PCM1: variants seen among roughly 807,000 people sequenced by gnomAD.
The protein encoded by PCM1 is pericentriolar material 1.
A neutral mutation model predicts 241.9 loss-of-function variants in PCM1; 157 were observed. The ratio of observed to expected loss-of-function variants is 0.65; its 90% CI spans 0.57 to 0.74. PCM1 has a LOEUF of 0.74. PCM1 is among the 30% of genes least tolerant of loss of function. PCM1 has a pLI of 0.00. For missense variants in PCM1, 3,478 were observed against 2,360.1 expected (o/e 1.47, Z -9.81); for synonymous variants, 1,085 against 784.9 (o/e 1.38, Z -6.39).
chr8:17,925,200 A>C (rs1010814448), intron 2 of PCM1: 3 of 152,206 alleles, frequency 2.0e-5, no homozygotes, highest in Non-Finnish European at 4.4e-5. Context: ...ACCGAAATTT[A>C]GTTGTCTAAA....
chr8:17,982,102 A>G (rs990139380), intron 24 of PCM1, among the ~76,000 whole-genome samples: 11 of 152,188 alleles, frequency 7.2e-5, no homozygotes, highest in African/African-American at 2.7e-4. Context: ...TTGCATTTTG[A>G]AATGAATTTC....
chr8:17,931,070 A>T (rs1017506849), intron 2 of PCM1, among the ~76,000 whole-genome samples: 1 of 152,178 alleles, frequency 6.6e-6, no homozygotes, highest in African/African-American at 2.4e-5. Context: ...TGCCAACCTG[A>T]TAGATTAGAC....
rs888998882 is a variant in PCM1, at chr8:18,011,320, T to C, written c.5304T>C (p.Ser1768=). The C allele has an allele frequency of 6.2e-7, 1 of 1,605,552 alleles. No homozygotes were observed. Among genetic ancestry groups the C allele is most frequent in the African/African-American group, 1.3e-5 (1 of 74,690 alleles). ...CCAAAAATGTAAGATCTGATATTTC[T>C]GATCAAGAGGAAGATGAAGAAAGTG... is the stretch of plus-strand genomic sequence containing the variant. The part of the protein sequence containing the change: ...DGPKNVRSDI[S]DQEEDEESEG... Residue 1768 remains serine (S), a synonymous_variant, in exon 33 of 39, where the codon TCT becomes TCC. Coordinates refer to ENST00000325083, the MANE Select transcript of PCM1 (RefSeq NM_006197.4).
In PCM1 at chr8:17,931,476, A is replaced by T. The variant is rs556628808; in HGVS notation, c.-22-4113A>T. Among the ~76,000 whole-genome samples the T allele has an allele frequency of 1.2e-4, 19 of 152,134 alleles. No individual in the cohort carries two copies. The East Asian group carries it at 3.7e-3, about 29-fold the overall frequency. On this transcript the variant is annotated intron_variant, in intron 2 of 38. Transcript: ENST00000325083. ...GCTAGTTTTTGTATTTTTAGTAGAG[A>T]TAGGATTTCGTTATGTTGGCCAGGC...
chr8:17,926,567 C>G (rs1283374361), intron 2 of PCM1: 1 of 152,046 alleles, frequency 6.6e-6, no homozygotes, highest in Admixed American at 6.5e-5. Flanking sequence ...TGATCATTTC[C>G]CCACTTTTTG....
In PCM1 at chr8:18,014,742, G is replaced by C; in HGVS notation, c.5743G>C (p.Val1915Leu). 1.2e-6 allele frequency: 2 copies of C among 1,613,316 alleles called. No homozygotes were observed. Among genetic ancestry groups the C allele is most frequent in the South Asian group, 2.2e-5 (2 of 91,054 alleles). Reference protein sequence around the residue: ...PLRLPEMEPLVPRVKEVKSAQ... With the variant: ...PLRLPEMEPLLPRVKEVKSAQ... Reference sequence around the variant, plus strand: ...ACGTTTACCTGAAATGGAACCCTTAGTGCCTAGAGTCAAAGAAGTTAAATC... The same window carrying C: ...ACGTTTACCTGAAATGGAACCCTTACTGCCTAGAGTCAAAGAAGTTAAATC... Residue 1915 changes from valine to leucine, a missense_variant, in exon 36 of 39, where the codon GTG becomes CTG. Physicochemically the swap from Val to Leu is conservative, Grantham distance 32. Coordinates refer to ENST00000325083, the MANE Select transcript of PCM1 (RefSeq NM_006197.4).
rs766616599 is a variant in PCM1, at chr8:18,006,367, C to A, written c.4932C>A (p.Phe1644Leu). Residue 1644 changes from phenylalanine (F) to leucine (L), a missense_variant, in exon 30 of 39, where the codon TTC becomes TTA. Phe to Leu is a conservative substitution (Grantham distance 22, BLOSUM62 0). Coordinates refer to ENST00000325083, the MANE Select transcript of PCM1 (RefSeq NM_006197.4). ...QNDESKEFVK[F>L]FHKQLGSILQ... ...ATGAGAGCAAAGAGTTTGTAAAGTTCTTTCATAAACAACTTGGAAGTATAT... is the reference window on the plus strand; with the variant it reads ...ATGAGAGCAAAGAGTTTGTAAAGTTATTTCATAAACAACTTGGAAGTATAT... 1 of 1,612,420 alleles carries A rather than the reference C, an allele frequency of 6.2e-7. No individual in the cohort carries two copies. The highest frequency in any genetic ancestry group is 1.7e-5 in the Admixed American group (1 of 59,950).
At chr8:18,018,942 T>A (rs2093531687) in intron 36 of PCM1, among the ~76,000 whole-genome samples, 1 of 88,662 alleles carries the variant, frequency 1.1e-5, no homozygotes, top group African/African-American at 4.6e-5. Context: ...ATAACAAAGT[T>A]GGAGATTTGT....
In PCM1 at chr8:17,957,844, G is replaced by A; in HGVS notation, c.2040+69G>A. ...ACAGTCTTAAGTAAAATTTGTGTATGATAATTACTTTGGTTTAATTATACT... is the reference window on the plus strand; with the variant it reads ...ACAGTCTTAAGTAAAATTTGTGTATAATAATTACTTTGGTTTAATTATACT... On this transcript the variant is annotated intron_variant, in intron 13 of 38. Transcript: ENST00000325083. The A allele has an allele frequency of 2.8e-6, 3 of 1,063,262 alleles. 1 individual carries two copies. The South Asian group carries it at 4.5e-5, about 16-fold the overall frequency. The allele number at this position is 1,063,262 out of a possible 1,614,324, so 65.9% of individuals were successfully genotyped here.
In PCM1 at chr8:17,989,874, A is replaced by G. The variant is rs998008433; in HGVS notation, c.4426A>G (p.Asn1476Asp). The G allele has an allele frequency of 1.8e-5, 28 of 1,541,568 alleles. No homozygotes were observed. The highest frequency in any genetic ancestry group is 2.4e-5 in the Non-Finnish European group (27 of 1,139,962). Residue 1476 changes from asparagine (N) to aspartate (D), a missense_variant, in exon 27 of 39, where the codon AAC becomes GAC. By Grantham distance (23) the Asn-to-Asp change is conservative. Transcript: ENST00000325083. ...ATTDDETFEK[N>D]FERETHKISE... ...TGTAACTTAGGAAACTTTTGAGAAG[A>G]ACTTTGAAAGAGAAACCCATAAAAT... is the stretch of plus-strand genomic sequence containing the variant.
At position 17,963,224 on chromosome 8, in the gene PCM1, G is replaced by A. The variant is rs890462976; in HGVS notation, c.2587G>A (p.Val863Met). The change falls in exon 17 of 39, where the codon GTG (valine) becomes ATG (methionine). Residue 863 changes from valine (V) to methionine (M), a missense_variant. By Grantham distance (21) the Val-to-Met change is conservative. Transcript: ENST00000325083. The stretch of plus-strand genomic sequence containing the variant: ...AGGTCTAGCTGAAACTGCATCTCCA[G>A]TGGCTGTGTCATTGAGAAGTGATGG... ...RQGLAETASPVAVSLRSDGSE... is the reference protein window; with the variant it reads ...RQGLAETASPMAVSLRSDGSE... 1 of 1,613,708 alleles carries A rather than the reference G, an allele frequency of 6.2e-7. No individual in the cohort carries two copies.
intron 23 of PCM1, among the ~76,000 whole-genome samples, chr8:17,973,151 G>T (rs573589796): frequency 2.6e-5 from 4 of 151,936 alleles, no homozygotes; most frequent in Non-Finnish European, 5.9e-5. Flanking sequence ...AAGTCCTTCT[G>T]GAAGTAAACT....
At position 17,929,673 on chromosome 8, in the gene PCM1, G is replaced by A. The variant is rs977445695; in HGVS notation, c.-23+4893G>A. 2.0e-5 allele frequency among the ~76,000 whole-genome samples: 3 copies of A among 151,598 alleles called. No individual in the cohort carries two copies. The South Asian group carries it at 6.3e-4, about 32-fold the overall frequency. ...CCTTTAACTCTTCTGCTTCTTTATC[G>A]CCCGTGTTGTAATACAGTAGTCTGC... On this transcript the variant is annotated intron_variant, in intron 2 of 38. Transcript: ENST00000325083.
At chr8:17,992,878 A>T (rs13260259) in intron 28 of PCM1, among the ~76,000 whole-genome samples, 2 of 149,156 alleles carry the variant, frequency 1.3e-5, no homozygotes, top group Admixed American at 1.3e-4. Flanking sequence ...CAGCCTCCCA[A>T]TGTGCTGGGA....
rs1371420048 is a variant in PCM1 at position 18,026,494 on chromosome 8, C to T, written c.6049+836C>T. ...TCAGATGGTCTCGATCTCCTGACCTCGTGATCCGCCTGCCTCAGCCTCCCA... is the reference window on the plus strand; with the variant it reads ...TCAGATGGTCTCGATCTCCTGACCTTGTGATCCGCCTGCCTCAGCCTCCCA... On this transcript the variant is annotated intron_variant, in intron 38 of 38. Transcript: ENST00000325083. 3.3e-5 allele frequency among the ~76,000 whole-genome samples: 5 copies of T among 151,592 alleles called. No homozygotes were observed. In the South Asian group the frequency reaches 6.2e-4, roughly 19 times the overall value.
In PCM1 at chr8:17,991,645, G is replaced by C. The variant is rs1269811549; in HGVS notation, c.4635G>C (p.Arg1545Ser). 2 of 1,567,074 alleles carry C rather than the reference G, an allele frequency of 1.3e-6. No homozygotes were observed. The highest frequency in any genetic ancestry group is 1.7e-6 in the Non-Finnish European group (2 of 1,154,970). ...ESNSNMRCTCRIIEDGDGAGA... is the reference protein window; with the variant it reads ...ESNSNMRCTCSIIEDGDGAGA... ...ACTCAAATATGAGATGCACCTGCAG[G>C]ATTATTGAGGATGGAGATGGTGCTG... The change falls in exon 28 of 39, where the codon AGG (arginine) becomes AGC (serine). Residue 1545 changes from arginine (R) to serine (S), a missense_variant. Physicochemically the swap from Arg to Ser is moderately radical, Grantham distance 110. Coordinates refer to ENST00000325083, the MANE Select transcript of PCM1 (RefSeq NM_006197.4).
intron 30 of PCM1, among the ~76,000 whole-genome samples, chr8:18,008,883 A>G (rs1165232894): frequency 1.3e-5 from 2 of 152,214 alleles, no homozygotes; most frequent in Non-Finnish European, 2.9e-5. Context: ...GAAATCACCA[A>G]CGTTCAAGTT....
chr8:17,951,988 C>T (rs779838565), intron 8 of PCM1, among the ~76,000 whole-genome samples: 19 of 152,044 alleles, frequency 1.2e-4, no homozygotes, highest in Non-Finnish European at 2.5e-4. Flanking sequence ...TTTGGGAGGC[C>T]GAGGCGGGTG....
rs755418291 is a variant in PCM1 at position 17,960,063 on chromosome 8, A to G, written c.2090A>G (p.Asp697Gly). The part of the protein sequence containing the change: ...GVISASASNL[D>G]DFYPAEEDTK... ...ATCTCTGCCAGTGCATCAAATTTGG[A>G]TGATTTCTACCCAGCAGAAGAAGAC... Residue 697 changes from aspartate to glycine, a missense_variant, in exon 14 of 39, where the codon GAT becomes GGT. Transcript: ENST00000325083. 3.5e-5 allele frequency: 56 copies of G among 1,612,362 alleles called. No individual in the cohort carries two copies. The highest frequency in any genetic ancestry group is 4.5e-5 in the Non-Finnish European group (53 of 1,179,172).
Sources: gnomAD v4.1 joint callset for allele counts (sites outside exome capture counted in the v4.1 genomes callset) on GRCh38, gnomAD v4.1.1 for gene constraint, MANE v1.5 for transcripts, NCBI Gene and HGNC (gene_info 2026-07-23, HGNC 2026-07-21) for gene names.